FGF14: variants seen among roughly 807,000 people sequenced by gnomAD.
FGF14 encodes fibroblast growth factor 14.
FGF14 carries 5 observed loss-of-function variants against 25.5 expected under a neutral mutation model. The ratio of observed to expected loss-of-function variants is 0.20; its 90% confidence interval spans 0.10 to 0.41. The LOEUF is 0.41. Among genes scored for constraint, FGF14 ranks in the 10% least tolerant of loss-of-function variants. The pLI, the probability that FGF14 is intolerant of heterozygous loss-of-function variation, is 1.00. For missense variants in FGF14, 222 were observed against 320.1 expected (o/e 0.69, Z 2.34); for synonymous variants, 138 against 118.3 (o/e 1.17, Z -1.08).
At chr13:102,057,377 T>C (rs988112971) in intron 1 of FGF14, among the ~76,000 whole-genome samples, 6 of 152,336 alleles carry the variant, frequency 3.9e-5, no homozygotes, top group African/African-American at 1.2e-4. Context: ...GTGAGTCTGA[T>C]TGATAACTTT....
chr13:102,067,740 A>G (rs1031288291), intron 1 of FGF14, among the ~76,000 whole-genome samples: 3 of 151,712 alleles, frequency 2.0e-5, no homozygotes, highest in African/African-American at 7.3e-5. Context: ...TGGAGAGTTT[A>G]TTTAAAAGGA....
chr13:102,283,293 T>C (rs2053937535), intron 1 of FGF14, among the ~76,000 whole-genome samples: 1 of 152,208 alleles, frequency 6.6e-6, no homozygotes, highest in Non-Finnish European at 1.5e-5. Flanking sequence ...AATGTAGCCT[T>C]TAGCGACATG....
intron 3 of FGF14, among the ~76,000 whole-genome samples, chr13:101,821,240 G>A (rs370957813): frequency 6.6e-5 from 10 of 152,238 alleles, no homozygotes; most frequent in Admixed American, 1.3e-4. Context: ...GAGCCACTGC[G>A]CCCGGCCCAA....
intron 1 of FGF14, among the ~76,000 whole-genome samples, chr13:102,244,079 C>A (rs1373895289): frequency 6.6e-6 from 1 of 152,138 alleles, no homozygotes; most frequent in African/African-American, 2.4e-5. Flanking sequence ...GTGATTCCTT[C>A]AAAGCTTCCC....
chr13:101,784,522 A>G (rs2039693952), intron 3 of FGF14, among the ~76,000 whole-genome samples: 1 of 152,032 alleles, frequency 6.6e-6, no homozygotes, highest in Non-Finnish European at 1.5e-5. Flanking sequence ...CAGGGAGCAA[A>G]TTTCTTGTTT....
At position 101,961,437 on chromosome 13, in the gene FGF14, G is replaced by C. The variant is rs117190809; in HGVS notation, c.209-86141C>G. 6.9e-3 allele frequency among the ~76,000 whole-genome samples: 1,051 copies of C among 152,250 alleles called. 10 individuals are homozygous for C. The highest frequency in any genetic ancestry group is 0.012 in the Admixed American group (190 of 15,288). ...TCAATTTTCCCAGAACCATTTATTA[G>C]ATAGGGAATTCTTTCCCCATTGCTT... On this transcript the variant is annotated intron_variant, in intron 1 of 4. Coordinates refer to the FGF14 transcript ENST00000376131.
chr13:102,164,335 T>C (rs2047907171), intron 1 of FGF14, among the ~76,000 whole-genome samples: 1 of 152,160 alleles, frequency 6.6e-6, no homozygotes, highest in African/African-American at 2.4e-5. Context: ...TGAATACATA[T>C]TTATTAGGCC....
At chr13:101,823,486 G>A (rs1177254680) in intron 3 of FGF14, among the ~76,000 whole-genome samples, 1 of 150,444 alleles carries the variant, frequency 6.6e-6, no homozygotes, top group African/African-American at 2.4e-5. Context: ...TGCCCAGGCT[G>A]GAGTGCAATG....
intron 1 of FGF14, among the ~76,000 whole-genome samples, chr13:102,001,277 A>G (rs184755176): frequency 1.3e-5 from 2 of 152,242 alleles, no homozygotes; most frequent in African/African-American, 2.4e-5. Flanking sequence ...ATGACTGGAA[A>G]TAAGGAAAAT....
intron 1 of FGF14, among the ~76,000 whole-genome samples, chr13:102,313,613 G>A (rs1013134544): frequency 3.9e-5 from 6 of 152,000 alleles, no homozygotes; most frequent in African/African-American, 1.4e-4. Context: ...GCAGGGGAGG[G>A]GGGTAAGAGC....
At position 102,167,590 on chromosome 13, in the gene FGF14, G is replaced by A. The variant is rs147900711; in HGVS notation, c.208+233881C>T. Reference sequence around the variant, plus strand: ...GGAGTTCTAATTTCTGTGTCTCTATGTGAATCATTCCACCTAGATTAATTT... The same window carrying A: ...GGAGTTCTAATTTCTGTGTCTCTATATGAATCATTCCACCTAGATTAATTT... On this transcript the variant is annotated intron_variant, in intron 1 of 4. Transcript: ENST00000376131. Among the ~76,000 whole-genome samples the A allele has an allele frequency of 2.7e-3, 415 of 152,162 alleles. 2 individuals carry two copies. Among genetic ancestry groups the A allele is most frequent in the African/African-American group, 9.5e-3 (394 of 41,518 alleles).
intron 1 of FGF14, among the ~76,000 whole-genome samples, chr13:102,356,171 CTT>C (rs1173440055): frequency 6.6e-6 from 1 of 152,192 alleles, no homozygotes; most frequent in Non-Finnish European, 1.5e-5. Context: ...AGAAAGGAGA[CTT>C]AAATGATTAC....
intron 1 of FGF14, among the ~76,000 whole-genome samples, chr13:102,332,313 A>G (rs1368431714): frequency 6.6e-6 from 1 of 152,168 alleles, no homozygotes; most frequent in African/African-American, 2.4e-5. Flanking sequence ...TTGACTGTCC[A>G]TTTCCCCAAA....
intron 1 of FGF14, among the ~76,000 whole-genome samples, chr13:102,392,168 A>G (rs1433396811): frequency 6.6e-6 from 1 of 152,242 alleles, no homozygotes; most frequent in Admixed American, 6.5e-5. Context: ...ATGCTACAGG[A>G]GGAAAAAAAG....
intron 3 of FGF14, among the ~76,000 whole-genome samples, chr13:101,865,165 G>A (rs1348796186): frequency 5.9e-5 from 9 of 152,046 alleles, no homozygotes; most frequent in African/African-American, 1.9e-4. Context: ...GATGATGAAT[G>A]ACATTTTCCT....
At chr13:102,216,455 G>A (rs575913203) in intron 1 of FGF14, among the ~76,000 whole-genome samples, 2 of 152,178 alleles carry the variant, frequency 1.3e-5, no homozygotes, top group Admixed American at 6.5e-5. Context: ...ATCACATCAC[G>A]CGGTATTCTA....
At chr13:101,859,464 ATGT>A (rs1335201244) in intron 3 of FGF14, among the ~76,000 whole-genome samples, 1 of 152,118 alleles carries the variant, frequency 6.6e-6, no homozygotes, top group African/African-American at 2.4e-5. Flanking sequence ...GTCTTCGCAC[ATGT>A]TGTACAATAG....
intron 3 of FGF14, among the ~76,000 whole-genome samples, chr13:101,820,901 T>A (rs2042106267): frequency 6.7e-6 from 1 of 149,874 alleles, no homozygotes; most frequent in South Asian, 2.1e-4. Context: ...TAGTCCAGTC[T>A]CCCCCGAGAG....
At chr13:101,961,047 A>G (rs374610405) in intron 1 of FGF14, among the ~76,000 whole-genome samples, 7 of 151,414 alleles carry the variant, frequency 4.6e-5, no homozygotes, top group African/African-American at 1.2e-4. Context: ...ATTTTTTTGT[A>G]GTAAATTTGT....
Sources: allele counts gnomAD v4.1 joint callset (sites outside exome capture counted in the v4.1 genomes callset), GRCh38; gene constraint gnomAD v4.1.1; transcripts MANE v1.5; gene names NCBI Gene and HGNC (gene_info 2026-07-23, HGNC 2026-07-21).